Variants in PTPRK observed in about 807,000 individuals in gnomAD.
The protein encoded by PTPRK is receptor-type tyrosine-protein phosphatase kappa.
PTPRK carries 75 observed loss-of-function variants against 178.0 expected under a neutral mutation model. The ratio of observed to expected loss-of-function variants is 0.42; its 90% CI spans 0.35 to 0.51. The LOEUF (loss-of-function observed/expected upper bound fraction) is 0.51. PTPRK is among the 20% of genes least tolerant of loss of function. The probability of loss-of-function intolerance (pLI) is 0.02; values close to 1 mark genes in which losing one functional copy is unlikely to be tolerated. For missense variants in PTPRK, 1,441 were observed against 1,797.8 expected (o/e 0.80, Z 3.59); for synonymous variants, 637 against 620.6 (o/e 1.03, Z -0.39).
rs1826042991 is a variant in PTPRK at position 128,304,171 on chromosome 6, A to G, written c.495+17868T>C. Among the ~76,000 whole-genome samples the G allele has an allele frequency of 2.0e-5, 3 of 152,222 alleles. No homozygotes were observed. In the South Asian group the frequency reaches 6.2e-4, roughly 32 times the overall value. ...GGGGTGACATAAGACCTCTTTCCAC[A>G]TAGTCTTGCCAAGCAAAACCTAAGT... On this transcript the variant is annotated intron_variant, in intron 3 of 29. Coordinates refer to ENST00000368226, the MANE Select transcript of PTPRK (RefSeq NM_002844.4).
chr6:128,235,669 C>T (rs1017250399), intron 5 of PTPRK: 3 of 438,396 alleles, frequency 6.8e-6, no homozygotes, highest in South Asian at 3.3e-5. Context: ...CTCTGAGTAG[C>T]GTGATGAAAT....
At chr6:128,124,886 G>T (rs551076082) in intron 7 of PTPRK, among the ~76,000 whole-genome samples, 2 of 152,260 alleles carry the variant, frequency 1.3e-5, no homozygotes, top group South Asian at 4.1e-4. Context: ...TCCTCCATGA[G>T]TCATGAGCCT....
At chr6:128,422,676 CAAAAAAAAA>C (rs750423577) in intron 1 of PTPRK, among the ~76,000 whole-genome samples, 5 of 14,704 alleles carry the variant, frequency 3.4e-4, no homozygotes, top group South Asian at 5.0e-3. Flanking sequence ...TTCACGGACG[CAAAAAAAAA>C]AAAAAAAAAA....
intron 2 of PTPRK, among the ~76,000 whole-genome samples, chr6:128,338,932 A>C (rs942503787): frequency 6.6e-6 from 1 of 152,224 alleles, no homozygotes; most frequent in Non-Finnish European, 1.5e-5. Flanking sequence ...GAGACATCCC[A>C]GCAAAGATGC....
intron 7 of PTPRK, among the ~76,000 whole-genome samples, chr6:128,100,379 T>G (rs1788589741): frequency 6.6e-6 from 1 of 152,096 alleles, no homozygotes; most frequent in South Asian, 2.1e-4. Flanking sequence ...AGGAAATAAC[T>G]TAGGGACTAT....
rs1290045220 is a variant in PTPRK at position 128,281,697 on chromosome 6, G to A, written c.496-39095C>T. ...TCTTCCTGGAGCCCCCTGTGCCTAG[G>A]AATTAAAACCCCCTATCTCTGCACT... On this transcript the variant is annotated intron_variant, in intron 3 of 29. Transcript: ENST00000368226. Among the ~76,000 whole-genome samples the A allele has an allele frequency of 2.0e-5, 3 of 152,002 alleles. No individual in the cohort carries two copies. The East Asian group carries it at 5.8e-4, about 29-fold the overall frequency.
Position 128,202,606 on chromosome 6 carries a change from TGCTGACAG to T in PTPRK, c.868+16308_868+16315del, listed in dbSNP as rs138246007. ...CTGGCTTGGAATTCCAGCCAGACAG[TGCTGACAG>T]GCTGACAGGCTCCGTCCACCTAAGA... On this transcript the variant is annotated intron_variant, in intron 6 of 29. Transcript: ENST00000368226. Among the ~76,000 whole-genome samples the T allele has an allele frequency of 6.4e-3, 979 of 152,164 alleles. 9 individuals carry two copies. The highest frequency in any genetic ancestry group is 0.023 in the African/African-American group (950 of 41,510).
intron 13 of PTPRK, among the ~76,000 whole-genome samples, chr6:128,023,747 G>T (rs1032152624): frequency 6.6e-6 from 1 of 152,064 alleles, no homozygotes; most frequent in African/African-American, 2.4e-5. Context: ...TCACCCACCT[G>T]GGCTCAAGCG....
At chr6:128,514,642 A>G (rs988955477) in intron 1 of PTPRK, among the ~76,000 whole-genome samples, 10 of 152,214 alleles carry the variant, frequency 6.6e-5, no homozygotes, top group African/African-American at 2.4e-4. Flanking sequence ...GGACAACTTA[A>G]TTTGATCCTA....
In PTPRK at chr6:128,053,023, T is replaced by C. The variant is rs1033530188; in HGVS notation, c.2194+11735A>G. On this transcript the variant is annotated intron_variant, in intron 13 of 29. Coordinates refer to ENST00000368226, the MANE Select transcript of PTPRK (RefSeq NM_002844.4). Reference sequence around the variant, plus strand: ...CTTGTTCCAGCCCTGGAATGAGCCATTTATCCAAAGAGCCCCAGGTACTTT... The same window carrying C: ...CTTGTTCCAGCCCTGGAATGAGCCACTTATCCAAAGAGCCCCAGGTACTTT... Among the ~76,000 whole-genome samples, 3 of 152,190 alleles carry C rather than the reference T, an allele frequency of 2.0e-5. No homozygotes were observed. In the East Asian group the frequency reaches 5.8e-4, roughly 29 times the overall value.
intron 3 of PTPRK, among the ~76,000 whole-genome samples, chr6:128,307,100 T>C (rs1323464518): frequency 1.3e-5 from 2 of 150,488 alleles, no homozygotes; most frequent in East Asian, 3.9e-4. Context: ...TAAGGTGATG[T>C]ACATCAACAT....
chr6:127,977,284 C>A (rs1774716027), intron 25 of PTPRK, among the ~76,000 whole-genome samples: 1 of 152,164 alleles, frequency 6.6e-6, no homozygotes. Flanking sequence ...GCTTCCAAAG[C>A]AATTCAAGTC....
At chr6:128,078,764 T>G (rs192495955) in intron 11 of PTPRK, 49 bp downstream of exon 11, 3 of 1,356,420 alleles carry the variant, frequency 2.2e-6, no homozygotes, top group East Asian at 2.3e-5. Flanking sequence ...CATCTTGGGA[T>G]GTACATACCT....
At chr6:128,276,859 A>AT (rs1054089302) in intron 3 of PTPRK, among the ~76,000 whole-genome samples, 1 of 152,082 alleles carries the variant, frequency 6.6e-6, no homozygotes, top group African/African-American at 2.4e-5. Flanking sequence ...TGGCATTTAA[A>AT]TTTTTTTCCA....
intron 7 of PTPRK, among the ~76,000 whole-genome samples, chr6:128,108,343 G>T (rs545467924): frequency 3.3e-5 from 5 of 152,200 alleles, no homozygotes; most frequent in African/African-American, 1.2e-4. Flanking sequence ...ACTGTTGATT[G>T]TACCTAGTGC....
intron 1 of PTPRK, among the ~76,000 whole-genome samples, chr6:128,500,299 C>T (rs1406916715): frequency 6.6e-6 from 1 of 151,736 alleles, no homozygotes; most frequent in Non-Finnish European, 1.5e-5. Context: ...TAGAAGTTGT[C>T]AGAAACAGAT....
At chr6:128,052,081 C>T (rs1292912484) in intron 13 of PTPRK, among the ~76,000 whole-genome samples, 4 of 152,130 alleles carry the variant, frequency 2.6e-5, no homozygotes, top group African/African-American at 9.7e-5. Flanking sequence ...TTAATGTAAT[C>T]ACTCATCTGC....
intron 1 of PTPRK, among the ~76,000 whole-genome samples, chr6:128,416,590 G>A (rs1007985696): frequency 6.6e-6 from 1 of 150,488 alleles, no homozygotes; most frequent in African/African-American, 2.5e-5. Flanking sequence ...AGAGCTTGCA[G>A]TGAGCCGAGA....
intron 2 of PTPRK, among the ~76,000 whole-genome samples, chr6:128,369,715 C>T (rs1203081430): frequency 6.6e-6 from 1 of 151,976 alleles, no homozygotes; most frequent in East Asian, 1.9e-4. Context: ...AATTTTTAAC[C>T]TTTCTCTCAT....
Sources: allele counts gnomAD v4.1 joint callset (sites outside exome capture counted in the v4.1 genomes callset), GRCh38; gene constraint gnomAD v4.1.1; transcripts MANE v1.5; gene names NCBI Gene and HGNC (gene_info 2026-07-23, HGNC 2026-07-21).